The following BRINP3 variants were observed in gnomAD, a reference collection of about 807,000 sequenced individuals.
The protein encoded by BRINP3 is BMP/retinoic acid-inducible neural-specific protein 3.
Under a neutral mutation model 71.0 loss-of-function variants are expected in BRINP3, and 19 were observed. That is an observed-to-expected ratio of 0.27 (90% CI 0.19 to 0.39). BRINP3 has a LOEUF of 0.39. Ranked by LOEUF, BRINP3 falls within the 10% of genes least tolerant of loss-of-function variation. The probability of loss-of-function intolerance (pLI) is 1.00; values close to 1 mark genes in which losing one functional copy is unlikely to be tolerated. For missense variants in BRINP3, 959 were observed against 940.8 expected, an observed-to-expected ratio of 1.02 and a Z score of -0.25; for synonymous variants, 380 against 337.7, an observed-to-expected ratio of 1.13 and a Z score of -1.37.
chr1:190,178,460 C>T (rs1193838835), intron 6 of BRINP3, among the ~76,000 whole-genome samples: 2 of 152,154 alleles, frequency 1.3e-5, no homozygotes, highest in East Asian at 3.8e-4. Context: ...ATGCCACACA[C>T]AAATAAATGC....
At chr1:190,338,164 T>C (rs1455382687) in intron 2 of BRINP3, among the ~76,000 whole-genome samples, 1 of 152,094 alleles carries the variant, frequency 6.6e-6, no homozygotes, top group African/African-American at 2.4e-5. Context: ...GAAGAAGCTT[T>C]CAAGAAATCA....
chr1:190,453,518 C>T (rs910631698), intron 2 of BRINP3, among the ~76,000 whole-genome samples: 3 of 151,718 alleles, frequency 2.0e-5, no homozygotes, highest in African/African-American at 7.3e-5. Context: ...CGCCCAGCCT[C>T]GTCATTTCAT....
chr1:190,192,975 T>G (rs933913017), intron 6 of BRINP3, among the ~76,000 whole-genome samples: 4 of 152,146 alleles, frequency 2.6e-5, no homozygotes, highest in African/African-American at 9.6e-5. Flanking sequence ...GTAAACTTTA[T>G]GCCCCTCAAA....
chr1:190,463,248 T>C (rs533404881), intron 1 of BRINP3, among the ~76,000 whole-genome samples: 1 of 151,756 alleles, frequency 6.6e-6, no homozygotes, highest in Non-Finnish European at 1.5e-5. Flanking sequence ...ATGGGAGACA[T>C]AATAAAATTT....
chr1:190,201,083 A>G (rs1654963294), intron 6 of BRINP3, among the ~76,000 whole-genome samples: 1 of 152,132 alleles, frequency 6.6e-6, no homozygotes, highest in African/African-American at 2.4e-5. Flanking sequence ...TCAGAAAAAG[A>G]CAGAAAAAAT....
At chr1:190,287,775 G>A (rs1194774214) in intron 2 of BRINP3, among the ~76,000 whole-genome samples, 1 of 152,022 alleles carries the variant, frequency 6.6e-6, no homozygotes, top group African/African-American at 2.4e-5. Flanking sequence ...ATGAAGGTGG[G>A]GCTATTGAGA....
chr1:190,127,223 C>A (rs2102338145), intron 7 of BRINP3, among the ~76,000 whole-genome samples: 1 of 151,768 alleles, frequency 6.6e-6, no homozygotes, highest in Non-Finnish European at 1.5e-5. Flanking sequence ...TACATTTGAA[C>A]AGCTATTCCA....
At chr1:190,180,595 G>C (rs1404440880) in intron 6 of BRINP3, among the ~76,000 whole-genome samples, 3 of 151,988 alleles carry the variant, frequency 2.0e-5, no homozygotes, top group Non-Finnish European at 4.4e-5. Flanking sequence ...AAGTAATAAA[G>C]TAGCCACCTA....
chr1:190,147,765 T>C (rs1369895936), intron 7 of BRINP3, among the ~76,000 whole-genome samples: 1 of 152,190 alleles, frequency 6.6e-6, no homozygotes, highest in Non-Finnish European at 1.5e-5. Context: ...CATGTACTAC[T>C]TGACATCCTG....
intron 7 of BRINP3, among the ~76,000 whole-genome samples, chr1:190,122,868 T>C (rs968706780): frequency 2.0e-5 from 3 of 152,108 alleles, no homozygotes; most frequent in Non-Finnish European, 2.9e-5. Context: ...TAGATATAGA[T>C]AGTGTTTTGT....
intron 5 of BRINP3, 121 bp downstream of exon 5, chr1:190,234,251 T>C (rs1010796391): frequency 2.0e-6 from 1 of 512,438 alleles, no homozygotes; most frequent in African/African-American, 1.9e-5. Flanking sequence ...AATTAGCCTT[T>C]AATGAGAGTT....
chr1:190,460,526 A>C (rs1370702598), intron 1 of BRINP3, among the ~76,000 whole-genome samples: 4 of 152,120 alleles, frequency 2.6e-5, no homozygotes, highest in African/African-American at 9.7e-5. Context: ...AATGTAGAAA[A>C]CCAGAATAAA....
intron 1 of BRINP3, among the ~76,000 whole-genome samples, chr1:190,470,620 A>G (rs1677072750): frequency 2.0e-5 from 3 of 151,230 alleles, no homozygotes; most frequent in Non-Finnish European, 4.5e-5. Flanking sequence ...TTGACAAATT[A>G]TGAATAGTGA....
At chr1:190,395,126 C>T (rs1271884833) in intron 2 of BRINP3, among the ~76,000 whole-genome samples, 1 of 151,620 alleles carries the variant, frequency 6.6e-6, no homozygotes, top group East Asian at 1.9e-4. Context: ...TCATTTTTGC[C>T]TGTGGTTATT....
At chr1:190,333,158 G>A (rs767980071) in intron 2 of BRINP3, among the ~76,000 whole-genome samples, 1 of 151,848 alleles carries the variant, frequency 6.6e-6, no homozygotes, top group Non-Finnish European at 1.5e-5. Context: ...TTTTACAATT[G>A]CTAGGGTAGA....
intron 2 of BRINP3, among the ~76,000 whole-genome samples, chr1:190,432,323 C>A (rs1341201221): frequency 6.6e-6 from 1 of 152,038 alleles, no homozygotes; most frequent in East Asian, 1.9e-4. Flanking sequence ...AGGTATATTT[C>A]TTCTATTTCT....
At position 190,110,208 on chromosome 1, in the gene BRINP3, G is replaced by C. The variant is rs531279151; in HGVS notation, c.1185-11074C>G. Among the ~76,000 whole-genome samples, 7 of 152,260 alleles carry C rather than the reference G, an allele frequency of 4.6e-5. No homozygotes were observed. In the East Asian group the frequency reaches 1.4e-3, roughly 29 times the overall value. On this transcript the variant is annotated intron_variant, in intron 7 of 7. Coordinates refer to ENST00000367462, the MANE Select transcript of BRINP3 (RefSeq NM_199051.3). Reference sequence around the variant, plus strand: ...CTCCAGTTATAAGTAGGGAGAGTAAGGTACACCAGATACCTCATAAGTTAC... The same window carrying C: ...CTCCAGTTATAAGTAGGGAGAGTAACGTACACCAGATACCTCATAAGTTAC...
rs528011280 is a variant in BRINP3 at position 190,229,819 on chromosome 1, T to G, written c.725-3501A>C. On this transcript the variant is annotated intron_variant, in intron 5 of 7. Coordinates refer to ENST00000367462, the MANE Select transcript of BRINP3 (RefSeq NM_199051.3). ...CACCATCAATAATTTTAAAATATTT[T>G]TATAAATTTTCACTCAAAACAGAAT... 3.9e-5 allele frequency among the ~76,000 whole-genome samples: 6 copies of G among 152,110 alleles called. No individual in the cohort carries two copies. In the South Asian group the frequency reaches 1.2e-3, roughly 32 times the overall value.
At chr1:190,393,018 C>A (rs557790271) in intron 2 of BRINP3, among the ~76,000 whole-genome samples, 1 of 151,410 alleles carries the variant, frequency 6.6e-6, no homozygotes, top group East Asian at 1.9e-4. Context: ...AGTATTTTGC[C>A]AAGGACCAAA....
Sources: gnomAD v4.1 joint callset for allele counts (sites outside exome capture counted in the v4.1 genomes callset) on GRCh38, gnomAD v4.1.1 for gene constraint, MANE v1.5 for transcripts, NCBI Gene and HGNC (gene_info 2026-07-23, HGNC 2026-07-21) for gene names.